Variants in PYROXD1 observed in about 807,000 individuals in gnomAD.
PYROXD1 encodes the protein pyridine nucleotide-disulphide oxidoreductase domain 1.
Under a neutral mutation model 62.0 loss-of-function variants are expected in PYROXD1, and 42 were observed. That is an observed-to-expected ratio of 0.68 (90% CI 0.53 to 0.88). PYROXD1 has a LOEUF of 0.88. PYROXD1 is among the 40% of genes least tolerant of loss of function. The pLI is 0.00. For missense variants in PYROXD1, 493 were observed against 604.8 expected, an observed-to-expected ratio of 0.82 and a Z score of 1.94; for synonymous variants, 170 against 206.4, an observed-to-expected ratio of 0.82 and a Z score of 1.51.
intron 3 of PYROXD1, chr12:21,448,409 G>A (rs1366394852): frequency 4.7e-6 from 1 of 211,762 alleles, no homozygotes; most frequent in East Asian, 1.0e-4. Flanking sequence ...AATGGAAAGA[G>A]TTTTTGTGTT....
intron 11 of PYROXD1, among the ~76,000 whole-genome samples, chr12:21,468,122 C>T (rs1391353049): frequency 6.6e-6 from 1 of 151,806 alleles, no homozygotes; most frequent in Non-Finnish European, 1.5e-5. Flanking sequence ...CTTGCCAAAT[C>T]TTTAAACCAC....
At chr12:21,461,974 TAA>T (rs1942705512) in intron 8 of PYROXD1, 32 bp from the exon 9 acceptor site, 2 of 1,360,014 alleles carry the variant, frequency 1.5e-6, no homozygotes, top group South Asian at 2.4e-5. Context: ...CATTTACAAA[TAA>T]AGTCTGTTTT....
intron 10 of PYROXD1, among the ~76,000 whole-genome samples, chr12:21,466,691 A>T (rs1427074005): frequency 2.0e-5 from 3 of 152,156 alleles, no homozygotes. Context: ...CAGAACTTCC[A>T]ACACTATGTT....
intron 7 of PYROXD1, among the ~76,000 whole-genome samples, chr12:21,458,585 T>A (rs897824450): frequency 6.6e-6 from 1 of 152,160 alleles, no homozygotes; most frequent in South Asian, 2.1e-4. Flanking sequence ...TGATTTAAAG[T>A]GAGAGATGTG....
At position 21,455,114 on chromosome 12, in the gene PYROXD1, C is replaced by T; in HGVS notation, c.489-18C>T. 1 of 1,364,738 alleles carries T rather than the reference C, an allele frequency of 7.3e-7. No homozygotes were observed. The highest frequency in any genetic ancestry group is 9.6e-7 in the Non-Finnish European group (1 of 1,042,382). 84.5% of individuals were successfully genotyped at this position (1,364,738 alleles called of 1,614,324 possible). On this transcript the variant is annotated intron_variant, in intron 5 of 11. Transcript: ENST00000240651. ...AGACTTTTGAAATCACTCTTAGTAA[C>T]TTTAACATTGTTTTTAGGTATGAAA... is the stretch of plus-strand genomic sequence containing the variant.
At position 21,445,402 on chromosome 12, in the gene PYROXD1, G is replaced by C. The variant is rs751880896; in HGVS notation, c.221G>C (p.Gly74Ala). The change falls in exon 3 of 12, where the codon GGA (glycine) becomes GCA (alanine). Residue 74 changes from glycine (G) to alanine (A), a missense_variant. By Grantham distance (60) the Gly-to-Ala change is moderately conservative. Around this residue, in one of 2 missense-constraint regions of PYROXD1, gnomAD observed 164 missense variants for 158.2 expected, o/e 1.04. Coordinates refer to ENST00000240651, the MANE Select transcript of PYROXD1 (RefSeq NM_024854.5). ...DVEEQSSTML[G>A]KRFPNIKVIE... ...GAAGAACAATCAAGTACCATGTTAG[G>C]AAAACGCTTTCCCAACATTAAGGTT... 15 of 1,609,962 alleles carry C rather than the reference G, an allele frequency of 9.3e-6. No individual in the cohort carries two copies. Among genetic ancestry groups the C allele is most frequent in the Non-Finnish European group, 8.5e-7 (1 of 1,178,762 alleles).
intron 1 of PYROXD1, chr12:21,438,133 CTTTTTA>C (rs1942227466): frequency 3.2e-6 from 1 of 316,032 alleles, no homozygotes; most frequent in Non-Finnish European, 5.8e-6. Flanking sequence ...AGCCCCCTTT[CTTTTTA>C]TTTTTTTTTC....
At chr12:21,454,225 T>A (rs550654203) in intron 5 of PYROXD1, among the ~76,000 whole-genome samples, 2 of 152,126 alleles carry the variant, frequency 1.3e-5, no homozygotes, top group East Asian at 3.9e-4. Context: ...ATGACAATAC[T>A]TTGTACCGTA....
chr12:21,460,021 TTAGA>T (rs755403280), intron 7 of PYROXD1, among the ~76,000 whole-genome samples: 2 of 152,204 alleles, frequency 1.3e-5, no homozygotes, highest in African/African-American at 2.4e-5. Flanking sequence ...CCTCATTTTG[TTAGA>T]TATTTTGATT....
intron 4 of PYROXD1, among the ~76,000 whole-genome samples, chr12:21,450,720 ATAAT>A (rs1404837815): frequency 6.6e-6 from 1 of 152,222 alleles, no homozygotes; most frequent in Non-Finnish European, 1.5e-5. Context: ...TATTCTCTTA[ATAAT>A]TAGGAATTGA....
intron 2 of PYROXD1, among the ~76,000 whole-genome samples, chr12:21,442,890 A>T (rs1942321896): frequency 6.6e-6 from 1 of 152,172 alleles, no homozygotes; most frequent in East Asian, 1.9e-4. Context: ...CAGGTATGCC[A>T]GGGTCATTAT....
intron 7 of PYROXD1, among the ~76,000 whole-genome samples, chr12:21,458,629 A>G (rs920457135): frequency 1.3e-5 from 2 of 152,186 alleles, no homozygotes; most frequent in Admixed American, 6.5e-5. Context: ...CTTAGAGGCC[A>G]CTACAGAGTA....
chr12:21,445,992 A>C (rs919153381), intron 3 of PYROXD1, among the ~76,000 whole-genome samples: 8 of 152,192 alleles, frequency 5.3e-5, no homozygotes, highest in African/African-American at 1.9e-4. Flanking sequence ...GAATGTTCAA[A>C]GACCCAAAGA....
In PYROXD1 at chr12:21,469,603, A is replaced by AAACTT. The variant is rs1454630364; in HGVS notation, c.*852_*856dup. The AAACTT allele has an allele frequency of 6.6e-6, 1 of 151,882 alleles. No individual in the cohort carries two copies. The highest frequency in any genetic ancestry group is 1.5e-5 in the Non-Finnish European group (1 of 67,988). The allele number at this position is 151,882 out of a possible 1,614,324, so 9.4% of individuals were successfully genotyped here. ...ATAGCTAAGTATATAAAGGCATAAA[A>AAACTT]AACTTAAGACAATTACATGAACTTA... On this transcript the variant is annotated 3_prime_UTR_variant, in exon 12 of 12. Coordinates refer to ENST00000240651, the MANE Select transcript of PYROXD1 (RefSeq NM_024854.5).
In PYROXD1 at chr12:21,440,527, A is replaced by AT. The variant is rs57817097; in HGVS notation, c.165+86dup. 6.7e-3 allele frequency: 5,248 copies of AT among 783,288 alleles called. 187 individuals are homozygous for AT. In the African/African-American group the frequency reaches 0.08, roughly 12 times the overall value. 48.5% of individuals were successfully genotyped at this position (783,288 alleles called of 1,614,324 possible). On this transcript the variant is annotated intron_variant, in intron 2 of 11. Transcript: ENST00000240651. The stretch of plus-strand genomic sequence containing the variant: ...TGCATAGCAGTTAGGGTAATTGTGT[A>AT]TTTTTTTCTTTCTTAAAAATTGACA...
At chr12:21,465,707 T>A (rs1355604737) in intron 10 of PYROXD1, among the ~76,000 whole-genome samples, 1 of 152,102 alleles carries the variant, frequency 6.6e-6, no homozygotes, top group African/African-American at 2.4e-5. Context: ...TTTGTTGCCA[T>A]TGCTTTTGGT....
At chr12:21,463,570 T>C (rs182015191) in intron 10 of PYROXD1, among the ~76,000 whole-genome samples, 3 of 151,944 alleles carry the variant, frequency 2.0e-5, no homozygotes, top group Admixed American at 2.0e-4. Flanking sequence ...TGTGCGTCTG[T>C]AATCCCAGCT....
rs377013226 is a variant in PYROXD1, at chr12:21,470,986, T to A, written c.*2232T>A. On this transcript the variant is annotated 3_prime_UTR_variant, in exon 12 of 12. Transcript: ENST00000240651. The stretch of plus-strand genomic sequence containing the variant: ...CCATTTACCCTGAAAGAGTTCTGCG[T>A]GGACTTTGTCACTTGCATAGTAATA... 3.0e-5 allele frequency: 47 copies of A among 1,556,044 alleles called. No individual in the cohort carries two copies. The highest frequency in any genetic ancestry group is 1.2e-5 in the South Asian group (1 of 81,210).
Position 21,449,695 on chromosome 12 carries a change from A to G in PYROXD1, c.414+4A>G. On this transcript the variant is annotated splice_donor_region_variant and intron_variant, in intron 4 of 11. Coordinates refer to ENST00000240651, the MANE Select transcript of PYROXD1 (RefSeq NM_024854.5). ...CCGTGATACAGACAGTGCTCAGGTA[A>G]CATTTTAAGGTTGGATCGTGAGAAG... 7 of 1,600,148 alleles carry G rather than the reference A, an allele frequency of 4.4e-6. No individual in the cohort carries two copies. The highest frequency in any genetic ancestry group is 6.0e-6 in the Non-Finnish European group (7 of 1,175,458).
Sources: gnomAD v4.1 joint callset for allele counts (sites outside exome capture counted in the v4.1 genomes callset) on GRCh38, gnomAD v4.1.1 for gene constraint, gnomAD v4.1.1 regional missense constraint, MANE v1.5 for transcripts, NCBI Gene and HGNC (gene_info 2026-07-23, HGNC 2026-07-21) for gene names.